The following SCD5 variants were observed in gnomAD, a reference collection of about 807,000 sequenced individuals.
SCD5 encodes the protein acyl-CoA-desaturase 4.
SCD5 carries 20 observed loss-of-function variants against 30.4 expected under a neutral mutation model. The observed-to-expected ratio is 0.66, with a 90% CI of 0.46 to 0.96. The LOEUF (loss-of-function observed/expected upper bound fraction) is 0.96, where lower values mean the gene tolerates loss of function less well. SCD5 is among the 40% of genes least tolerant of loss of function. The pLI is 0.00. For missense variants in SCD5, 381 were observed against 443.3 expected, an observed-to-expected ratio of 0.86 and a Z score of 1.26; for synonymous variants, 173 against 176.4, an observed-to-expected ratio of 0.98 and a Z score of 0.16.
intron 3 of SCD5, among the ~76,000 whole-genome samples, chr4:82,656,724 A>C (rs1727874917): frequency 6.6e-6 from 1 of 152,336 alleles, no homozygotes; most frequent in East Asian, 1.9e-4. Context: ...CCAACAGTGT[A>C]AAAGTGTCCC....
intron 3 of SCD5, among the ~76,000 whole-genome samples, chr4:82,649,632 G>A (rs1174593568): frequency 6.6e-6 from 1 of 152,150 alleles, no homozygotes; most frequent in African/African-American, 2.4e-5. Context: ...GCAAGGGGCT[G>A]TCAGGGTGTC....
rs759808074 is a variant in SCD5 at position 82,636,581 on chromosome 4, C to T, written c.802+10G>A. 62 of 1,609,446 alleles carry T rather than the reference C, an allele frequency of 3.9e-5. No homozygotes were observed. The highest frequency in any genetic ancestry group is 4.7e-5 in the Non-Finnish European group (55 of 1,177,226). On this transcript the variant is annotated intron_variant, in intron 4 of 4. Transcript: ENST00000319540. ...CATTCTCCCCATTGGCCCTCAACACCCCTACTCACCAATGGCACCCAGAGC... is the reference window on the plus strand; with the variant it reads ...CATTCTCCCCATTGGCCCTCAACACTCCTACTCACCAATGGCACCCAGAGC...
chr4:82,727,412 A>G (rs557343922), intron 1 of SCD5, among the ~76,000 whole-genome samples: 17 of 152,308 alleles, frequency 1.1e-4, no homozygotes, highest in African/African-American at 4.1e-4. Flanking sequence ...CTCACCCTCT[A>G]TGAGTATACA....
At chr4:82,736,037 G>A (rs1427667413) in intron 1 of SCD5, among the ~76,000 whole-genome samples, 1 of 152,188 alleles carries the variant, frequency 6.6e-6, no homozygotes, top group Admixed American at 6.5e-5. Flanking sequence ...TGCAATTCCA[G>A]CACTTTAGGA....
intron 4 of SCD5, among the ~76,000 whole-genome samples, chr4:82,635,898 T>C (rs891573298): frequency 1.3e-5 from 2 of 152,156 alleles, no homozygotes; most frequent in Non-Finnish European, 2.9e-5. Context: ...TTCCTTCCCA[T>C]GTCTTTGTTT....
At chr4:82,712,263 T>TATATATAC (rs1560540714) in intron 1 of SCD5, among the ~76,000 whole-genome samples, 2 of 43,140 alleles carry the variant, frequency 4.6e-5, no homozygotes, top group African/African-American at 3.1e-4. Context: ...TATATATATA[T>TATATATAC]ATATATATAT....
At chr4:82,665,450 T>C (rs1728165862) in intron 3 of SCD5, among the ~76,000 whole-genome samples, 2 of 151,376 alleles carry the variant, frequency 1.3e-5, no homozygotes, top group Non-Finnish European at 2.9e-5. Context: ...TTGAAGTCAG[T>C]GACAAAAAAG....
At chr4:82,640,307 G>A (rs1231568805) in intron 3 of SCD5, among the ~76,000 whole-genome samples, 2 of 152,298 alleles carry the variant, frequency 1.3e-5, no homozygotes, top group Non-Finnish European at 2.9e-5. Context: ...TGGTTTCCCA[G>A]GGGTAAGGAG....
intron 1 of SCD5, among the ~76,000 whole-genome samples, chr4:82,716,768 C>T (rs1222569856): frequency 2.6e-5 from 4 of 151,388 alleles, no homozygotes; most frequent in Non-Finnish European, 4.4e-5. Context: ...GAGCCGAGAT[C>T]GTACCACTGC....
chr4:82,757,694 T>A (rs900201949), intron 1 of SCD5, among the ~76,000 whole-genome samples: 1 of 152,194 alleles, frequency 6.6e-6, no homozygotes, highest in Admixed American at 6.5e-5. Flanking sequence ...AAATCACTTA[T>A]CTTGTAGAGC....
intron 1 of SCD5, among the ~76,000 whole-genome samples, chr4:82,778,311 T>C (rs1236521409): frequency 6.6e-6 from 1 of 152,134 alleles, no homozygotes; most frequent in African/African-American, 2.4e-5. Context: ...TTTGCTAAGA[T>C]GTCACCCCAG....
chr4:82,775,169 A>C (rs927399731), intron 1 of SCD5, among the ~76,000 whole-genome samples: 1 of 152,166 alleles, frequency 6.6e-6, no homozygotes, highest in African/African-American at 2.4e-5. Flanking sequence ...AAGAGGTGGC[A>C]AGCATTGGTC....
intron 1 of SCD5, among the ~76,000 whole-genome samples, chr4:82,731,376 T>C (rs1720640540): frequency 6.6e-6 from 1 of 152,226 alleles, no homozygotes; most frequent in Non-Finnish European, 1.5e-5. Flanking sequence ...AAGAGAGCAC[T>C]GGCTTCCTCT....
intron 3 of SCD5, among the ~76,000 whole-genome samples, chr4:82,667,250 T>C (rs1728208284): frequency 6.7e-6 from 1 of 149,772 alleles, no homozygotes; most frequent in Non-Finnish European, 1.5e-5. Flanking sequence ...TGACTGCTAA[T>C]GCAGTTGGTG....
At chr4:82,648,642 T>G (rs910081724) in intron 3 of SCD5, among the ~76,000 whole-genome samples, 3 of 152,192 alleles carry the variant, frequency 2.0e-5, no homozygotes, top group African/African-American at 7.2e-5. Context: ...ACTTATTAAA[T>G]TTTGCTGGCC....
At chr4:82,696,620 T>C (rs1324005145) in intron 2 of SCD5, among the ~76,000 whole-genome samples, 1 of 152,166 alleles carries the variant, frequency 6.6e-6, no homozygotes, top group Non-Finnish European at 1.5e-5. Context: ...CCAAAGAGGT[T>C]AGAAATATGA....
intron 2 of SCD5, chr4:82,697,910 A>G (rs1478455181): frequency 9.2e-6 from 4 of 435,838 alleles, no homozygotes; most frequent in South Asian, 6.7e-5. Flanking sequence ...CTGCTTAGAG[A>G]CGACCAAGCT....
chr4:82,749,211 C>G (rs1030951783), intron 1 of SCD5, among the ~76,000 whole-genome samples: 1 of 152,136 alleles, frequency 6.6e-6, no homozygotes. Context: ...AGAGTAAACT[C>G]TAGGGAGTCG....
chr4:82,798,762 C>T lies in SCD5; in HGVS notation c.-225G>A, dbSNP rs11550727. 7.6e-3 allele frequency: 3,885 copies of T among 511,256 alleles called. 131 individuals carry two copies. Among genetic ancestry groups the T allele is most frequent in the African/African-American group, 0.067 (3,304 of 49,102 alleles). 31.7% of individuals were successfully genotyped at this position (511,256 alleles called of 1,614,324 possible). The stretch of plus-strand genomic sequence containing the variant: ...GCCGGCGTCTGTTGCTGGCGTATCC[C>T]CCATATGGCTGCCCGGGCTGAACTC... On this transcript the variant is annotated 5_prime_UTR_variant, in exon 1 of 5. Coordinates refer to ENST00000319540, the MANE Select transcript of SCD5 (RefSeq NM_001037582.3).
Sources: allele counts gnomAD v4.1 joint callset (sites outside exome capture counted in the v4.1 genomes callset), GRCh38; gene constraint gnomAD v4.1.1; transcripts MANE v1.5; gene names NCBI Gene and HGNC (gene_info 2026-07-23, HGNC 2026-07-21).